The following PSPC1 variants were observed in gnomAD, a reference collection of about 807,000 sequenced individuals.
The protein encoded by PSPC1 is paraspeckle component 1, also known as paraspeckle protein 1.
Under a neutral mutation model 51.6 loss-of-function variants are expected in PSPC1, and 14 were observed. That is an observed-to-expected ratio of 0.27 (90% CI 0.18 to 0.42). PSPC1 has a LOEUF of 0.42. Among genes scored for constraint, PSPC1 ranks in the 10% least tolerant of loss-of-function variants. The pLI is 1.00. For missense variants in PSPC1, 406 were observed against 701.1 expected (o/e 0.58, Z 4.75); for synonymous variants, 193 against 231.9 (o/e 0.83, Z 1.53).
At chr13:19,697,831 T>C (rs974620362), downstream of PSPC1, among the ~76,000 whole-genome samples, 3 of 152,236 alleles carry the variant, frequency 2.0e-5, no homozygotes, top group Non-Finnish European at 4.4e-5. Context: ...ATTTACATTA[T>C]CTAATAATGT....
At chr13:19,722,821 AT>A (rs1307949032) in intron 6 of PSPC1, among the ~76,000 whole-genome samples, 12 of 150,610 alleles carry the variant, frequency 8.0e-5, no homozygotes, top group Admixed American at 8.0e-4. Context: ...AAACAAAAAA[AT>A]TTTCTGGCCA....
intron 4 of PSPC1, among the ~76,000 whole-genome samples, chr13:19,744,853 G>A (rs980550626): frequency 2.9e-4 from 44 of 152,214 alleles, no homozygotes; most frequent in African/African-American, 9.9e-4. Context: ...GTGAGCCACC[G>A]CGCCCGGCCC....
rs1187321275 is a variant in PSPC1 at position 19,768,575 on chromosome 13, G to A, written c.674+3667C>T. Among the ~76,000 whole-genome samples, 7 of 150,654 alleles carry A rather than the reference G, an allele frequency of 4.6e-5. No homozygotes were observed. In the East Asian group the frequency reaches 5.8e-4, roughly 13 times the overall value. ...AGGCAGGAGAATGGCGTGAACCCGG[G>A]AGGCAGAGCTTGCAGTGAGCCGAGA... is the stretch of plus-strand genomic sequence containing the variant. On this transcript the variant is annotated intron_variant, in intron 2 of 8. Transcript: ENST00000338910.
chr13:19,733,404 T>C (rs1192538680), intron 5 of PSPC1, among the ~76,000 whole-genome samples: 3 of 151,600 alleles, frequency 2.0e-5, no homozygotes. Context: ...CTTTGGGAGG[T>C]GGAGGCAGAA....
intron 7 of PSPC1, chr13:19,675,952 G>A (rs1876586611): frequency 6.6e-6 from 1 of 152,148 alleles, no homozygotes; most frequent in Non-Finnish European, 1.5e-5. Flanking sequence ...ACTTTTCACT[G>A]ACTTTGTTAG....
At chr13:19,761,145 T>TAAATAA (rs1180230801) in intron 2 of PSPC1, among the ~76,000 whole-genome samples, 3 of 151,784 alleles carry the variant, frequency 2.0e-5, no homozygotes, top group East Asian at 1.9e-4. Context: ...ATGTCATCTC[T>TAAATAA]AAATAAAAAT....
intron 6 of PSPC1, among the ~76,000 whole-genome samples, chr13:19,694,932 A>G (rs1035939179): frequency 6.6e-6 from 1 of 152,194 alleles, no homozygotes; most frequent in African/African-American, 2.4e-5. Flanking sequence ...ACATGGTAAG[A>G]TATTATTTGT....
At chr13:19,724,337 T>TA (rs1427367687) in intron 6 of PSPC1, among the ~76,000 whole-genome samples, 2 of 152,084 alleles carry the variant, frequency 1.3e-5, no homozygotes, top group Admixed American at 6.6e-5. Context: ...TTTTACCAGA[T>TA]AGAGTTTCTG....
rs1889042634 is a variant in PSPC1, at chr13:19,775,690, A to AAGTAC, written c.373-3148_373-3147insGTACT. On this transcript the variant is annotated intron_variant, in intron 1 of 8. Transcript: ENST00000338910. ...AATAAACACCTAAAAAGAGATGGGT[A>AAGTAC]CTTTCTTACCTAATACATCATATAA... Among the ~76,000 whole-genome samples the AAGTAC allele has an allele frequency of 5.3e-5, 8 of 152,346 alleles. 1 individual carries two copies. Among genetic ancestry groups the AAGTAC allele is most frequent in the African/African-American group, 1.9e-4 (8 of 41,592 alleles).
chr13:19,690,620 C>G (rs1025528925), intron 6 of PSPC1, among the ~76,000 whole-genome samples: 1 of 152,088 alleles, frequency 6.6e-6, no homozygotes, highest in African/African-American at 2.4e-5. Context: ...GGGGTTCCAC[C>G]AAGACCAAAC....
chr13:19,759,512 C>A, intron 2 of PSPC1, 94 bp from the exon 3 acceptor site: 1 of 855,044 alleles, frequency 1.2e-6, no homozygotes, highest in Non-Finnish European at 1.8e-6. Flanking sequence ...AAGATATATA[C>A]TTAGAAAATG....
At chr13:19,684,280 C>A (rs1877605222) in intron 6 of PSPC1, among the ~76,000 whole-genome samples, 1 of 152,154 alleles carries the variant, frequency 6.6e-6, no homozygotes, top group African/African-American at 2.4e-5. Context: ...ACTGCATAAT[C>A]AAGGTAAGTT....
chr13:19,726,789 A>G (rs761783966), intron 6 of PSPC1, among the ~76,000 whole-genome samples: 7 of 152,224 alleles, frequency 4.6e-5, no homozygotes, highest in Non-Finnish European at 7.3e-5. Context: ...CTCTGCCAAC[A>G]TTCCCTTAAT....
intron 6 of PSPC1, among the ~76,000 whole-genome samples, chr13:19,693,418 C>A (rs913459924): frequency 6.6e-6 from 1 of 152,178 alleles, no homozygotes; most frequent in African/African-American, 2.4e-5. Context: ...TTGGTATCCT[C>A]ATTTGTAAAC....
At chr13:19,775,793 G>A (rs568004066) in intron 1 of PSPC1, among the ~76,000 whole-genome samples, 3 of 152,332 alleles carry the variant, frequency 2.0e-5, no homozygotes, top group African/African-American at 7.2e-5. Flanking sequence ...GCTCACGCCT[G>A]TAATCCCAAC....
chr13:19,782,625 G>T lies in PSPC1; in HGVS notation c.133C>A (p.Pro45Thr). The change falls in exon 1 of 9, where the codon CCG (proline) becomes ACG (threonine). Residue 45 changes from proline to threonine, a missense_variant. By Grantham distance (38) the Pro-to-Thr change is conservative. This residue lies in a region of PSPC1 where 128 missense variants were observed against 107.1 expected (regional missense o/e 1.20). Coordinates refer to ENST00000338910, the MANE Select transcript of PSPC1 (RefSeq NM_001354909.2). This position sits in a 1 kb window ranked among gnomAD's most constrained non-coding sequence, Gnocchi z 4.5. ...GGAGGCGCGGGCGCGGGCGGTGCCG[G>T]CTCCCCGGCAAGAGCGAGCGCCATG... ...AAMALALAGE[P>T]APPAPAPPED... The T allele has an allele frequency of 6.4e-7, 1 of 1,573,996 alleles. No individual in the cohort carries two copies. Among genetic ancestry groups the T allele is most frequent in the Non-Finnish European group, 8.6e-7 (1 of 1,164,576 alleles).
chr13:19,779,373 G>GT, intron 1 of PSPC1, among the ~76,000 whole-genome samples: 1 of 111,302 alleles, frequency 9.0e-6, no homozygotes, highest in Non-Finnish European at 1.9e-5. Flanking sequence ...CGTCCGGGAG[G>GT]GAGGTGGGGG....
intron 2 of PSPC1, among the ~76,000 whole-genome samples, chr13:19,767,806 C>T (rs1237979403): frequency 6.6e-6 from 1 of 152,020 alleles, no homozygotes; most frequent in Non-Finnish European, 1.5e-5. Flanking sequence ...AAAAGCTCTG[C>T]AATCTTAAGC....
intron 6 of PSPC1, among the ~76,000 whole-genome samples, chr13:19,712,461 G>A (rs942608303): frequency 6.6e-6 from 1 of 152,094 alleles, no homozygotes; most frequent in African/African-American, 2.4e-5. Context: ...TTCTAGAATA[G>A]TGCAAGCTTT....
Sources: gnomAD v4.1 joint callset for allele counts (sites outside exome capture counted in the v4.1 genomes callset) on GRCh38, gnomAD v4.1.1 for gene constraint, gnomAD v4.1.1 regional missense constraint, Gnocchi (gnomAD v3.1) non-coding constraint, MANE v1.5 for transcripts, NCBI Gene and HGNC (gene_info 2026-07-23, HGNC 2026-07-21) for gene names.